The following DKK4 variants were observed in gnomAD, a reference collection of about 807,000 sequenced individuals.
DKK4 encodes dickkopf-related protein 4.
In DKK4, 15 loss-of-function variants were observed where a neutral mutation model predicts 14.5. The ratio of observed to expected loss-of-function variants is 1.03; its 90% CI spans 0.69 to 1.59. DKK4 has a LOEUF of 1.59. Among genes scored for constraint, DKK4 ranks in the 40% most tolerant of loss-of-function variants. The pLI is 0.00. For synonymous variants in DKK4, 89 were observed against 105.2 expected, an observed-to-expected ratio of 0.85 and a Z score of 0.94; for missense variants, 272 against 280.3, an observed-to-expected ratio of 0.97 and a Z score of 0.21.
upstream of DKK4, among the ~76,000 whole-genome samples, chr8:42,381,556 G>C (rs1296344836): frequency 1.3e-5 from 2 of 152,158 alleles, no homozygotes; most frequent in African/African-American, 2.4e-5. Context: ...TCTCAGCACT[G>C]ACAGAATGTG....
chr8:42,385,272 G>T, the DKK4 span, among the ~76,000 whole-genome samples: 1 of 151,938 alleles, frequency 6.6e-6, no homozygotes, highest in African/African-American at 2.4e-5. Context: ...CACACCTGTA[G>T]TCCCAGCTAC....
At chr8:42,374,460 C>A in intron 3 of DKK4, 101 bp from the exon 4 acceptor site, 1 of 1,491,770 alleles carries the variant, frequency 6.7e-7, no homozygotes, top group Non-Finnish European at 9.2e-7. Context: ...CTGACAGCCA[C>A]AAAGTAAAAA....
At chr8:42,383,195 C>T in the DKK4 span, among the ~76,000 whole-genome samples, 1 of 152,140 alleles carries the variant, frequency 6.6e-6, no homozygotes, top group Non-Finnish European at 1.5e-5. Flanking sequence ...AGAAATGTTG[C>T]CATTTGGTTC....
At chr8:42,377,393 G>A (rs544798036), upstream of DKK4, among the ~76,000 whole-genome samples, 31 of 152,236 alleles carry the variant, frequency 2.0e-4, no homozygotes, top group Middle Eastern at 3.4e-3. Flanking sequence ...AGGGCCATGC[G>A]GCTTCTCCTC....
At chr8:42,391,291 G>A in the DKK4 span, among the ~76,000 whole-genome samples, 2 of 151,062 alleles carry the variant, frequency 1.3e-5, no homozygotes, top group African/African-American at 4.9e-5. Context: ...TCTGGTAGGC[G>A]CAGGCGGGCG....
At chr8:42,382,748 G>A in the DKK4 span, among the ~76,000 whole-genome samples, 1 of 152,240 alleles carries the variant, frequency 6.6e-6, no homozygotes, top group Non-Finnish European at 1.5e-5. Flanking sequence ...TTTGCAGTGA[G>A]CGCCTAGCTC....
chr8:42,375,926 C>A lies in DKK4; in HGVS notation c.112-96G>T, dbSNP rs1824553485. The A allele has an allele frequency of 6.1e-6, 9 of 1,471,174 alleles. No individual in the cohort carries two copies. In the Admixed American group the frequency reaches 1.6e-4, roughly 27 times the overall value. The allele number at this position is 1,471,174 out of a possible 1,614,324, so 91.1% of individuals were successfully genotyped here. ...GCAGGAGGCGGAGGGAGCCAAAGGA[C>A]AGTGGCGCTGTGACAAACCCTGGGC... On this transcript the variant is annotated intron_variant, in intron 1 of 3. Coordinates refer to ENST00000220812, the MANE Select transcript of DKK4 (RefSeq NM_014420.3).
chr8:42,383,705 G>A, the DKK4 span, among the ~76,000 whole-genome samples: 1 of 152,234 alleles, frequency 6.6e-6, no homozygotes, highest in Non-Finnish European at 1.5e-5. Context: ...CACTTTGCAA[G>A]TCCGAGGCAG....
At chr8:42,377,281 G>C, upstream of DKK4, 1 of 501,008 alleles carries the variant, frequency 2.0e-6, no homozygotes, top group Non-Finnish European at 3.6e-6. Context: ...CCTCCTCCCC[G>C]CTCCGTTCCT....
At chr8:42,390,181 A>G in the DKK4 span, among the ~76,000 whole-genome samples, 1 of 151,554 alleles carries the variant, frequency 6.6e-6, no homozygotes, top group South Asian at 2.1e-4. Context: ...GGCGTGAGCC[A>G]CCGCGCCCGG....
the DKK4 span, among the ~76,000 whole-genome samples, chr8:42,388,203 G>C: frequency 6.6e-6 from 1 of 152,188 alleles, no homozygotes; most frequent in South Asian, 2.1e-4. Flanking sequence ...TGCCTGTATA[G>C]CTTTTAAACT....
Position 42,374,201 on chromosome 8 carries a change from G to A in DKK4, c.574C>T (p.Gln192Ter). 1 of 1,613,198 alleles carries A rather than the reference G, an allele frequency of 6.2e-7. No homozygotes were observed. The highest frequency in any genetic ancestry group is 8.5e-7 in the Non-Finnish European group (1 of 1,179,866). Residue 192 changes from glutamine (Q) to a stop codon, truncating the protein, a stop_gained, in exon 4 of 4, where the codon CAG becomes TAG. Coordinates refer to ENST00000220812, the MANE Select transcript of DKK4 (RefSeq NM_014420.3). LOFTEE classifies it low-confidence loss of function (END_TRUNC). The stretch of plus-strand genomic sequence containing the variant: ...AGTCCAGGGCCACAGTCGCAACGCT[G>A]GAAGATTTCTGGAGCTTGAGCAGTG... ...KDTAQAPEIF[Q>*]RCDCGPGLLC...
chr8:42,377,945 C>T (rs1200639208), upstream of DKK4, among the ~76,000 whole-genome samples: 6 of 152,188 alleles, frequency 3.9e-5, no homozygotes, highest in Admixed American at 3.9e-4. Flanking sequence ...GCTTTGGGTC[C>T]ATTTTATCAG....
rs550812389 is a variant in DKK4, at chr8:42,376,538, G to A, written c.111+397C>T. Among the ~76,000 whole-genome samples, 4 of 152,230 alleles carry A rather than the reference G, an allele frequency of 2.6e-5. No individual in the cohort carries two copies. The East Asian group carries it at 5.8e-4, about 22-fold the overall frequency. Reference sequence around the variant, plus strand: ...ATTCTCATTCCCATGTTTGCTTGCTGGCTGTGTGAGCTTGGGTAAGCTCTT... The same window carrying A: ...ATTCTCATTCCCATGTTTGCTTGCTAGCTGTGTGAGCTTGGGTAAGCTCTT... On this transcript the variant is annotated intron_variant, in intron 1 of 3. Transcript: ENST00000220812.
upstream of DKK4, among the ~76,000 whole-genome samples, chr8:42,381,976 G>A (rs1031363444): frequency 5.3e-5 from 8 of 152,240 alleles, no homozygotes; most frequent in Admixed American, 2.0e-4. Flanking sequence ...CAGCCTGGGC[G>A]ACAGAGCAAG....
At chr8:42,381,581 G>A (rs78565407), upstream of DKK4, among the ~76,000 whole-genome samples, 5,497 of 152,160 alleles carry the variant, frequency 0.036, 327 homozygotes, top group African/African-American at 0.13. Flanking sequence ...TTGGGGCCGG[G>A]CCTGACTCTA....
upstream of DKK4, among the ~76,000 whole-genome samples, chr8:42,380,810 AG>A (rs1273863322): frequency 4.2e-3 from 398 of 94,612 alleles, 5 homozygotes; most frequent in African/African-American, 0.059. Context: ...AAGAAAAGGA[AG>A]GAAGGAAGGA....
At chr8:42,381,247 C>T (rs532196618), upstream of DKK4, among the ~76,000 whole-genome samples, 1 of 152,064 alleles carries the variant, frequency 6.6e-6, no homozygotes, top group African/African-American at 2.4e-5. Flanking sequence ...TGATTTGGTG[C>T]ACTGGGTGGG....
the DKK4 span, among the ~76,000 whole-genome samples, chr8:42,384,474 T>C: frequency 6.6e-6 from 1 of 152,122 alleles, no homozygotes; most frequent in Non-Finnish European, 1.5e-5. Context: ...ATTTAAGTGG[T>C]GAATCCTGTT....
Sources: allele counts gnomAD v4.1 joint callset (sites outside exome capture counted in the v4.1 genomes callset), GRCh38; gene constraint gnomAD v4.1.1; transcripts MANE v1.5; gene names NCBI Gene and HGNC (gene_info 2026-07-23, HGNC 2026-07-21).